SEMA6D: variants seen among roughly 807,000 people sequenced by gnomAD.
SEMA6D encodes semaphorin-6D.
SEMA6D carries 35 observed loss-of-function variants against 106.6 expected under a neutral mutation model. That is an observed-to-expected ratio of 0.33 (90% CI 0.25 to 0.44). The LOEUF is 0.44. SEMA6D is among the 20% of genes least tolerant of loss of function. The probability of loss-of-function intolerance (pLI) is 1.00; values close to 1 mark genes in which losing one functional copy is unlikely to be tolerated. For synonymous variants in SEMA6D, 499 were observed against 487.7 expected, an observed-to-expected ratio of 1.02 and a Z score of -0.31; for missense variants, 1,185 against 1,345.9, an observed-to-expected ratio of 0.88 and a Z score of 1.87.
chr15:47,734,562 G>A (rs982289220), intron 1 of SEMA6D, among the ~76,000 whole-genome samples: 21 of 152,290 alleles, frequency 1.4e-4, no homozygotes, highest in African/African-American at 4.8e-4. Flanking sequence ...GCAGACATGA[G>A]TTGAAAAGAG....
chr15:47,610,062 T>C (rs1482532123), intron 4 of SEMA6D, among the ~76,000 whole-genome samples: 3 of 152,212 alleles, frequency 2.0e-5, no homozygotes, highest in African/African-American at 7.2e-5. Flanking sequence ...GTGAGGAGAA[T>C]TGATTTCTTC....
At chr15:47,325,189 T>G (rs1391663652) in intron 1 of SEMA6D, among the ~76,000 whole-genome samples, 1 of 152,092 alleles carries the variant, frequency 6.6e-6, no homozygotes, top group Non-Finnish European at 1.5e-5. Context: ...TTTTTGTTTT[T>G]TAAGACAGAG....
chr15:47,417,413 ATGTGTGTGTGTG>A (rs34541759), intron 2 of SEMA6D, among the ~76,000 whole-genome samples: 1 of 146,562 alleles, frequency 6.8e-6, no homozygotes, highest in Non-Finnish European at 1.5e-5. Flanking sequence ...GTGTGTGTAT[ATGTGTGTGTGTG>A]TGTGTGTGTG....
intron 1 of SEMA6D, among the ~76,000 whole-genome samples, chr15:47,376,020 T>C (rs1047206191): frequency 1.3e-5 from 2 of 152,258 alleles, no homozygotes; most frequent in African/African-American, 2.4e-5. Flanking sequence ...GAGTATCCTA[T>C]GTAAAGAAGG....
At chr15:47,218,863 A>G (rs575823904) in intron 1 of SEMA6D, among the ~76,000 whole-genome samples, 15 of 152,364 alleles carry the variant, frequency 9.8e-5, no homozygotes, top group African/African-American at 3.6e-4. Context: ...GTTAAGTAAC[A>G]TAGACAAGGT....
At chr15:47,197,309 G>T (rs1566920047) in intron 1 of SEMA6D, among the ~76,000 whole-genome samples, 1 of 152,178 alleles carries the variant, frequency 6.6e-6, no homozygotes, top group East Asian at 1.9e-4. Context: ...GGTTCTCTGT[G>T]TGCCAACACT....
intron 3 of SEMA6D, among the ~76,000 whole-genome samples, chr15:47,549,089 C>G (rs2045608734): frequency 6.6e-6 from 1 of 152,086 alleles, no homozygotes; most frequent in Non-Finnish European, 1.5e-5. Context: ...TGACCTTTAT[C>G]ACTTTGCTAT....
intron 3 of SEMA6D, among the ~76,000 whole-genome samples, chr15:47,578,533 A>G (rs1476125625): frequency 6.6e-6 from 1 of 152,236 alleles, no homozygotes; most frequent in African/African-American, 2.4e-5. Flanking sequence ...TATGTATAAT[A>G]GAAAACGTAT....
Position 47,518,258 on chromosome 15 carries a change from A to G in SEMA6D, c.-87+47713A>G, listed in dbSNP as rs192577461. Among the ~76,000 whole-genome samples, 706 of 152,356 alleles carry G rather than the reference A, an allele frequency of 4.6e-3. 24 individuals are homozygous for G. Among genetic ancestry groups the G allele is most frequent in the Admixed American group, 0.044 (667 of 15,300 alleles). On this transcript the variant is annotated intron_variant, in intron 3 of 19. Transcript: ENST00000558014. ...GAAGGGAGTGAGAGACAGAGCAGAG[A>G]AGGAGATATTTAAGCTAGAGAAACA...
intron 1 of SEMA6D, among the ~76,000 whole-genome samples, chr15:47,223,283 G>A (rs1229908696): frequency 6.6e-6 from 1 of 152,056 alleles, no homozygotes; most frequent in African/African-American, 2.4e-5. Flanking sequence ...TTAGGTATAT[G>A]TTTTCAAAAG....
At chr15:47,311,093 G>A (rs1274257428) in intron 1 of SEMA6D, among the ~76,000 whole-genome samples, 1 of 152,178 alleles carries the variant, frequency 6.6e-6, no homozygotes, top group African/African-American at 2.4e-5. Context: ...CCTACTGCCT[G>A]TTCAAGATAT....
At chr15:47,529,603 TAA>T (rs67339779) in intron 3 of SEMA6D, among the ~76,000 whole-genome samples, 4 of 135,750 alleles carry the variant, frequency 2.9e-5, no homozygotes, top group Non-Finnish European at 4.7e-5. Context: ...TCTGTAGCAC[TAA>T]AAAAAAAAAA....
At chr15:47,581,485 C>A (rs1185311890) in intron 3 of SEMA6D, 4 of 398,946 alleles carry the variant, frequency 1.0e-5, no homozygotes, top group African/African-American at 6.4e-5. Context: ...ATGGCGTAGC[C>A]AAGGAGGCCT....
At chr15:47,496,828 C>G (rs1053101281) in intron 3 of SEMA6D, among the ~76,000 whole-genome samples, 1 of 151,948 alleles carries the variant, frequency 6.6e-6, no homozygotes, top group African/African-American at 2.4e-5. Flanking sequence ...AGCTGATCTC[C>G]AGTTCCAAAA....
At chr15:47,237,063 T>A (rs1026722769) in intron 1 of SEMA6D, among the ~76,000 whole-genome samples, 9 of 152,148 alleles carry the variant, frequency 5.9e-5, no homozygotes, top group Admixed American at 5.9e-4. Flanking sequence ...TTTGTGTTCT[T>A]GAACAAGTTT....
At chr15:47,277,751 A>G (rs1458701091) in intron 1 of SEMA6D, among the ~76,000 whole-genome samples, 1 of 151,738 alleles carries the variant, frequency 6.6e-6, no homozygotes, top group Non-Finnish European at 1.5e-5. Flanking sequence ...TCCCAATGCT[A>G]TTCCTCCCCC....
intron 1 of SEMA6D, among the ~76,000 whole-genome samples, chr15:47,209,635 T>C (rs1895348954): frequency 6.6e-6 from 1 of 152,200 alleles, no homozygotes; most frequent in African/African-American, 2.4e-5. Flanking sequence ...ATATTTCATT[T>C]AAGAATGTAT....
At chr15:47,403,888 C>T (rs2146047671) in intron 1 of SEMA6D, among the ~76,000 whole-genome samples, 1 of 152,204 alleles carries the variant, frequency 6.6e-6, no homozygotes, top group East Asian at 1.9e-4. Context: ...CTATTATATA[C>T]AGGATGGACT....
intron 4 of SEMA6D, among the ~76,000 whole-genome samples, chr15:47,677,916 G>A (rs2078277129): frequency 1.3e-5 from 2 of 152,128 alleles, no homozygotes; most frequent in African/African-American, 4.8e-5. Context: ...ATGTTTGAAA[G>A]TTGTAGAGCA....
Sources: gnomAD v4.1 joint callset for allele counts (sites outside exome capture counted in the v4.1 genomes callset) on GRCh38, gnomAD v4.1.1 for gene constraint, MANE v1.5 for transcripts, NCBI Gene and HGNC (gene_info 2026-07-23, HGNC 2026-07-21) for gene names.